XKR5: variants seen among roughly 807,000 people sequenced by gnomAD.
XKR5 encodes the protein XK related 5.
In XKR5, 46 loss-of-function variants were observed where a neutral mutation model predicts 40.8. The observed-to-expected ratio is 1.13, with a 90% CI of 0.89 to 1.44. The LOEUF (loss-of-function observed/expected upper bound fraction) is 1.44, where lower values mean the gene tolerates loss of function less well. Ranked by LOEUF, XKR5 falls within the 40% of genes most tolerant of loss-of-function variation. XKR5 has a pLI of 0.00. For synonymous variants in XKR5, 466 were observed against 356.1 expected (o/e 1.31, Z -3.48); for missense variants, 1,169 against 844.7 (o/e 1.38, Z -4.76).
In XKR5 at chr8:6,821,819, C is replaced by T; in HGVS notation, c.807+50G>A. On this transcript the variant is annotated intron_variant, in intron 5 of 6. Transcript: ENST00000618742. Reference sequence around the variant, plus strand: ...CCCCCACACACACCCACACACACCCCACTTGCTGTATACACTGTAAAAGTT... The same window carrying T: ...CCCCCACACACACCCACACACACCCTACTTGCTGTATACACTGTAAAAGTT... 5 of 1,555,312 alleles carry T rather than the reference C, an allele frequency of 3.2e-6. No individual in the cohort carries two copies. In the South Asian group the frequency reaches 5.9e-5, roughly 18 times the overall value.
intron 4 of XKR5, 33 bp from the exon 5 acceptor site, chr8:6,822,071 C>A: frequency 6.4e-7 from 1 of 1,572,796 alleles, no homozygotes; most frequent in Non-Finnish European, 8.6e-7. Flanking sequence ...CGTCAGGGTC[C>A]ATGCAAGGAG....
At chr8:6,827,777 C>T (rs921403812) in intron 2 of XKR5, among the ~76,000 whole-genome samples, 1 of 152,120 alleles carries the variant, frequency 6.6e-6, no homozygotes, top group Admixed American at 6.6e-5. Flanking sequence ...AGAGGCCCAC[C>T]TGCTACAGAC....
Position 6,832,912 on chromosome 8 carries a change from G to T in XKR5, c.59-12C>A. On this transcript the variant is annotated splice_polypyrimidine_tract_variant and intron_variant, in intron 1 of 6. Transcript: ENST00000618742. ...CACGGTGTAAAGGCCTGGGTGAGAA[G>T]GGGAAAGGCAAGCAGGTTGTTGGAA... 1 of 1,548,224 alleles carries T rather than the reference G, an allele frequency of 6.5e-7. No individual in the cohort carries two copies. Among genetic ancestry groups the T allele is most frequent in the East Asian group, 2.3e-5 (1 of 42,566 alleles).
At chr8:6,827,526 A>T (rs930231295) in intron 2 of XKR5, among the ~76,000 whole-genome samples, 5 of 152,200 alleles carry the variant, frequency 3.3e-5, no homozygotes, top group African/African-American at 1.2e-4. Context: ...GATGTCTAAG[A>T]AAAACAACTT....
At chr8:6,816,752 ATATT>A (rs1332220572) in intron 5 of XKR5, among the ~76,000 whole-genome samples, 8 of 147,726 alleles carry the variant, frequency 5.4e-5, no homozygotes, top group African/African-American at 1.7e-4. Flanking sequence ...TATTTAATAT[ATATT>A]TATATTAAAT....
Position 6,810,736 on chromosome 8 carries a change from A to G in XKR5, c.*462T>C, listed in dbSNP as rs1803640211. On this transcript the variant is annotated 3_prime_UTR_variant, in exon 7 of 7. Coordinates refer to ENST00000618742, the MANE Select transcript of XKR5 (RefSeq NM_207411.5). ...CCTTACCTACTCCCAGAAAGCATGC[A>G]AATTATCTTACCAAGAGATTTCATA... is the stretch of plus-strand genomic sequence containing the variant. 6.5e-6 allele frequency: 1 copy of G among 153,874 alleles called. No individual in the cohort carries two copies. Among genetic ancestry groups the G allele is most frequent in the African/African-American group, 2.4e-5 (1 of 41,468 alleles). 9.5% of individuals were successfully genotyped at this position (153,874 alleles called of 1,614,324 possible).
At chr8:6,814,957 T>G (rs1056782492) in intron 6 of XKR5, among the ~76,000 whole-genome samples, 1 of 152,154 alleles carries the variant, frequency 6.6e-6, no homozygotes, top group Non-Finnish European at 1.5e-5. Flanking sequence ...CGAGGCCACT[T>G]CCAGGCACCT....
intron 1 of XKR5, among the ~76,000 whole-genome samples, chr8:6,834,626 C>G (rs959192933): frequency 6.6e-6 from 1 of 151,876 alleles, no homozygotes; most frequent in East Asian, 1.9e-4. Flanking sequence ...CGGGGACGCC[C>G]GCGAACTCAG....
chr8:6,822,196 A>T (rs28564455), intron 4 of XKR5, among the ~76,000 whole-genome samples, 158 bp from the exon 5 acceptor site: 53,598 of 152,092 alleles, frequency 0.35, 9,829 homozygotes, highest in East Asian at 0.62. Flanking sequence ...GGGGACAGAA[A>T]ACCAACACAG....
rs1372119885 is a variant in XKR5 at position 6,810,520 on chromosome 8, A to AG, written c.*677dup. The AG allele has an allele frequency of 1.3e-5, 2 of 152,294 alleles. No homozygotes were observed. Among genetic ancestry groups the AG allele is most frequent in the African/African-American group, 4.8e-5 (2 of 41,462 alleles). The allele number at this position is 152,294 out of a possible 1,614,324, so 9.4% of individuals were successfully genotyped here. On this transcript the variant is annotated 3_prime_UTR_variant, in exon 7 of 7. Coordinates refer to ENST00000618742, the MANE Select transcript of XKR5 (RefSeq NM_207411.5). Reference sequence around the variant, plus strand: ...GAAAAATACATTTATGCAGCTGGCCAGGAGGATGCTGATGGTCTGAGAGTG... The same window carrying AG: ...GAAAAATACATTTATGCAGCTGGCCAGGGAGGATGCTGATGGTCTGAGAGTG...
chr8:6,816,341 C>T (rs538847512), intron 5 of XKR5, among the ~76,000 whole-genome samples: 1 of 152,260 alleles, frequency 6.6e-6, no homozygotes, highest in African/African-American at 2.4e-5. Context: ...TTCCAGGGAG[C>T]TAGGGTCACA....
intron 1 of XKR5, among the ~76,000 whole-genome samples, chr8:6,834,274 G>T (rs544642876): frequency 1.0e-3 from 157 of 152,344 alleles, no homozygotes; most frequent in African/African-American, 3.7e-3. Flanking sequence ...GCGGATTTTA[G>T]GGAAACTGGG....
In XKR5 at chr8:6,835,437, C is replaced by A. The variant is rs79981623; in HGVS notation, c.57G>T (p.Ala19=). 8 of 1,489,222 alleles carry A rather than the reference C, an allele frequency of 5.4e-6. No homozygotes were observed. In the East Asian group the frequency reaches 2.0e-4, roughly 36 times the overall value. The allele number at this position is 1,489,222 out of a possible 1,614,324, so 92.3% of individuals were successfully genotyped here. ...ACAGCCTCGGGCTGCCGCACTCACGCGCGCTCTGCTCGGCCGCCTGCAGCA... is the reference window on the plus strand; with the variant it reads ...ACAGCCTCGGGCTGCCGCACTCACGAGCGCTCTGCTCGGCCGCCTGCAGCA... ...SALLQAAEQS[A]RLYTVAYYFT... The change falls in exon 1 of 7, where the codon GCG becomes GCT. Residue 19 remains alanine, a splice_region_variant and synonymous_variant. Transcript: ENST00000618742.
At chr8:6,824,331 G>A (rs966590241) in intron 3 of XKR5, among the ~76,000 whole-genome samples, 4 of 151,798 alleles carry the variant, frequency 2.6e-5, no homozygotes, top group African/African-American at 9.7e-5. Flanking sequence ...AGGGGGTGAA[G>A]GGGAGGGGAG....
At chr8:6,816,733 A>C (rs921219380) in intron 5 of XKR5, among the ~76,000 whole-genome samples, 1 of 147,506 alleles carries the variant, frequency 6.8e-6, no homozygotes, top group Non-Finnish European at 1.5e-5. Flanking sequence ...ATTAATATAT[A>C]TTTTAATATA....
chr8:6,815,493 T>C (rs1427498282), intron 6 of XKR5, among the ~76,000 whole-genome samples: 2 of 151,848 alleles, frequency 1.3e-5, no homozygotes, highest in South Asian at 2.1e-4. Context: ...GGAGCTCCCC[T>C]AGGTGGGAGG....
At chr8:6,814,379 G>C (rs1255563241) in intron 6 of XKR5, among the ~76,000 whole-genome samples, 1 of 152,058 alleles carries the variant, frequency 6.6e-6, no homozygotes, top group Non-Finnish European at 1.5e-5. Context: ...CGATCCCCAG[G>C]GTGCACACAC....
In XKR5 at chr8:6,811,221, G is replaced by T. The variant is rs1251170769; in HGVS notation, c.2038C>A (p.Gln680Lys). 3 of 1,536,682 alleles carry T rather than the reference G, an allele frequency of 2.0e-6. No homozygotes were observed. Among genetic ancestry groups the T allele is most frequent in the Admixed American group, 2.0e-5 (1 of 50,960 alleles). The change falls in exon 7 of 7, where the codon CAA becomes AAA. Residue 680 changes from glutamine (Q) to lysine (K), a missense_variant. Transcript: ENST00000618742. ...TDCSCREQMK[Q>K]EPSFFI Reference sequence around the variant, plus strand: ...GGTCAGATGAAAAAACTCGGCTCTTGCTTCATCTGTTCCCTGCAGCTGCAG... The same window carrying T: ...GGTCAGATGAAAAAACTCGGCTCTTTCTTCATCTGTTCCCTGCAGCTGCAG...
rs1804406932 is a variant in XKR5 at position 6,825,220 on chromosome 8, G to A, written c.372C>T (p.His124=). 6.2e-7 allele frequency: 1 copy of A among 1,613,012 alleles called. No homozygotes were observed. Among genetic ancestry groups the A allele is most frequent in the Non-Finnish European group, 8.5e-7 (1 of 1,179,632 alleles). Residue 124 remains histidine (H), a synonymous_variant, in exon 3 of 7, where the codon CAC becomes CAT. Coordinates refer to ENST00000618742, the MANE Select transcript of XKR5 (RefSeq NM_207411.5). The part of the protein sequence containing the change: ...LLEALLQTGP[H]LLLQTYVFLA... ...GAAAAACATATGTCTGAAGCAGCAG[G>A]TGGGGCCCAGTCTGCAGCAGGGCCT...
Sources: gnomAD v4.1 joint callset for allele counts (sites outside exome capture counted in the v4.1 genomes callset) on GRCh38, gnomAD v4.1.1 for gene constraint, MANE v1.5 for transcripts, NCBI Gene and HGNC (gene_info 2026-07-23, HGNC 2026-07-21) for gene names.